Variants in NARS2 observed in about 807,000 individuals in gnomAD.
The protein encoded by NARS2 is asparaginyl-tRNA synthetase 2, mitochondrial.
NARS2 carries 60 observed loss-of-function variants against 62.9 expected under a neutral mutation model. The observed-to-expected ratio is 0.95, with a 90% CI of 0.77 to 1.18. The LOEUF is 1.18. NARS2 is among the 50% of genes most tolerant of loss of function. NARS2 has a pLI of 0.00. For missense variants in NARS2, 619 were observed against 576.4 expected (o/e 1.07, Z -0.76); for synonymous variants, 196 against 200.0 (o/e 0.98, Z 0.17).
chr11:78,455,062 C>T (rs1478943672), intron 11 of NARS2, among the ~76,000 whole-genome samples: 1 of 152,090 alleles, frequency 6.6e-6, no homozygotes, highest in African/African-American at 2.4e-5. Context: ...AGCAAAAGTC[C>T]CATAATTATC....
intron 5 of NARS2, among the ~76,000 whole-genome samples, chr11:78,536,369 T>C (rs1282851242): frequency 6.6e-6 from 1 of 152,222 alleles, no homozygotes; most frequent in Non-Finnish European, 1.5e-5. Context: ...GAAGAAGGCA[T>C]TGCCATCATA....
At chr11:78,571,681 C>T (rs891635942) in intron 1 of NARS2, 1 of 397,538 alleles carries the variant, frequency 2.5e-6, no homozygotes, top group African/African-American at 2.0e-5. Flanking sequence ...GAATGGATGC[C>T]TAACATTCCT....
chr11:78,483,978 G>C, intron 7 of NARS2, among the ~76,000 whole-genome samples: 1 of 152,130 alleles, frequency 6.6e-6, no homozygotes, highest in East Asian at 1.9e-4. Context: ...CACACTACCT[G>C]ATTTCAAACT....
chr11:78,563,258 G>T (rs180679367), intron 4 of NARS2, among the ~76,000 whole-genome samples: 2 of 125,418 alleles, frequency 1.6e-5, no homozygotes, highest in African/African-American at 3.1e-5. Flanking sequence ...TTACTCTGTC[G>T]CCAGGTTGGA....
At chr11:78,487,027 T>C (rs1443818811) in intron 7 of NARS2, among the ~76,000 whole-genome samples, 1 of 151,922 alleles carries the variant, frequency 6.6e-6, no homozygotes, top group African/African-American at 2.4e-5. Context: ...TTGAAGACAG[T>C]TCAGTTGAAA....
Position 78,571,419 on chromosome 11 carries a change from T to C in NARS2, c.167A>G (p.Gln56Arg), listed in dbSNP as rs201751992. ...IQGWIRSVRS[Q>R]KEVLFLHVND... is the part of the protein sequence containing the mutation. The stretch of plus-strand genomic sequence containing the variant: ...TACATGCAGGAACAAGACTTCCTTC[T>C]GGGATCGGACAGAACGAATCCATCC... Residue 56 changes from glutamine (Q) to arginine (R), a missense_variant, in exon 2 of 14, where the codon CAG becomes CGG. Gln to Arg is a conservative substitution (Grantham distance 43). Transcript: ENST00000281038. 8.1e-5 allele frequency: 130 copies of C among 1,613,154 alleles called. No homozygotes were observed. Among genetic ancestry groups the C allele is most frequent in the Non-Finnish European group, 1.1e-4 (126 of 1,179,690 alleles).
intron 7 of NARS2, among the ~76,000 whole-genome samples, chr11:78,483,247 A>G (rs530094106): frequency 6.6e-6 from 1 of 152,290 alleles, no homozygotes; most frequent in East Asian, 1.9e-4. Context: ...TCTCAAAATA[A>G]TAAGAGCTAT....
At chr11:78,458,320 C>T (rs1297967449) in intron 11 of NARS2, among the ~76,000 whole-genome samples, 1 of 152,102 alleles carries the variant, frequency 6.6e-6, no homozygotes, top group East Asian at 1.9e-4. Context: ...CAACTTCATA[C>T]CTATTGACTA....
At chr11:78,504,242 C>T (rs772695011) in intron 6 of NARS2, among the ~76,000 whole-genome samples, 4 of 152,168 alleles carry the variant, frequency 2.6e-5, no homozygotes, top group Non-Finnish European at 4.4e-5. Flanking sequence ...AAATAAAAGT[C>T]CCTAAAGAAT....
At chr11:78,560,068 G>C (rs1193944427) in intron 4 of NARS2, among the ~76,000 whole-genome samples, 3 of 152,026 alleles carry the variant, frequency 2.0e-5, no homozygotes, top group East Asian at 3.8e-4. Flanking sequence ...CGTTGCTAGA[G>C]GAATACAAAG....
At chr11:78,481,711 C>T (rs890217030) in intron 7 of NARS2, among the ~76,000 whole-genome samples, 1 of 152,112 alleles carries the variant, frequency 6.6e-6, no homozygotes, top group Non-Finnish European at 1.5e-5. Flanking sequence ...AACAGCAATA[C>T]CTAATTGCTT....
At chr11:78,499,660 A>C (rs1472089520) in intron 6 of NARS2, among the ~76,000 whole-genome samples, 2 of 152,212 alleles carry the variant, frequency 1.3e-5, no homozygotes, top group African/African-American at 4.8e-5. Context: ...TAATTAGAAC[A>C]AATTTTAAAT....
chr11:78,478,760 C>A (rs1318917727), intron 7 of NARS2, 77 bp from the exon 8 acceptor site: 2 of 754,908 alleles, frequency 2.6e-6, no homozygotes, highest in East Asian at 2.9e-5. Flanking sequence ...CAATAAGGAC[C>A]GCATTCCAGG....
At chr11:78,538,911 C>A (rs541284008) in intron 5 of NARS2, among the ~76,000 whole-genome samples, 40 of 134,536 alleles carry the variant, frequency 3.0e-4, no homozygotes, top group African/African-American at 9.8e-4. Context: ...AGGAGAATGG[C>A]GTGAACCTGG....
chr11:78,436,596 TG>T lies in NARS2; in HGVS notation c.*73del. On this transcript the variant is annotated 3_prime_UTR_variant, in exon 14 of 14. Coordinates refer to ENST00000281038, the MANE Select transcript of NARS2 (RefSeq NM_024678.6). ...AATCTGCATTTCTAAAATCCAAACA[TG>T]CATTCTGCTGTATGCACAATCATGT... is the stretch of plus-strand genomic sequence containing the variant. The T allele has an allele frequency of 6.9e-7, 1 of 1,446,038 alleles. No individual in the cohort carries two copies. Among genetic ancestry groups the T allele is most frequent in the Non-Finnish European group, 9.4e-7 (1 of 1,061,840 alleles). The allele number at this position is 1,446,038 out of a possible 1,614,324, so 89.6% of individuals were successfully genotyped here.
chr11:78,490,399 A>C (rs1859769921), intron 7 of NARS2, among the ~76,000 whole-genome samples: 1 of 152,204 alleles, frequency 6.6e-6, no homozygotes, highest in Non-Finnish European at 1.5e-5. Context: ...GAATAAAATG[A>C]CTCTGTGTTT....
intron 7 of NARS2, among the ~76,000 whole-genome samples, chr11:78,491,895 T>C (rs769773533): frequency 2.6e-5 from 4 of 152,090 alleles, no homozygotes; most frequent in Non-Finnish European, 5.9e-5. Context: ...AAATAGGTCA[T>C]TTACTGGGTA....
At chr11:78,473,432 T>A (rs1005258774) in intron 9 of NARS2, among the ~76,000 whole-genome samples, 4 of 152,232 alleles carry the variant, frequency 2.6e-5, no homozygotes, top group African/African-American at 4.8e-5. Context: ...TATTTCCCTG[T>A]GTATTTGGAG....
intron 5 of NARS2, among the ~76,000 whole-genome samples, chr11:78,556,120 G>A (rs937713822): frequency 6.6e-6 from 1 of 152,054 alleles, no homozygotes; most frequent in Non-Finnish European, 1.5e-5. Flanking sequence ...TAGAGTAGGT[G>A]CCACGTGAAG....
Sources: gnomAD v4.1 joint callset for allele counts (sites outside exome capture counted in the v4.1 genomes callset) on GRCh38, gnomAD v4.1.1 for gene constraint, MANE v1.5 for transcripts, NCBI Gene and HGNC (gene_info 2026-07-23, HGNC 2026-07-21) for gene names.